APBA2: variants seen among roughly 807,000 people sequenced by gnomAD.
APBA2 encodes the protein amyloid-beta A4 precursor protein-binding family A member 2.
APBA2 carries 30 observed loss-of-function variants against 75.0 expected under a neutral mutation model. That is an observed-to-expected ratio of 0.40 (90% CI 0.30 to 0.54). The LOEUF (loss-of-function observed/expected upper bound fraction) is 0.54. Among genes scored for constraint, APBA2 ranks in the 20% least tolerant of loss-of-function variants. The pLI, the probability that APBA2 is intolerant of heterozygous loss-of-function variation, is 0.49. For missense variants in APBA2, 801 were observed against 1,016.1 expected (o/e 0.79, Z 2.88); for synonymous variants, 444 against 409.6 (o/e 1.08, Z -1.01).
intron 4 of APBA2, among the ~76,000 whole-genome samples, chr15:29,060,943 C>G (rs1450470034): frequency 6.6e-6 from 1 of 152,162 alleles, no homozygotes; most frequent in Non-Finnish European, 1.5e-5. Context: ...CAGCTGGGCA[C>G]TGGTACCTGG....
intron 3 of APBA2, among the ~76,000 whole-genome samples, chr15:29,019,139 C>T (rs1396709221): frequency 2.6e-5 from 4 of 152,138 alleles, no homozygotes; most frequent in East Asian, 1.9e-4. Flanking sequence ...TGCTGCAGGC[C>T]GGCCCCTCAC....
chr15:29,105,393 C>T lies in APBA2; in HGVS notation c.1539C>T (p.Ala513=). 1.2e-6 allele frequency: 2 copies of T among 1,612,044 alleles called. No individual in the cohort carries two copies. The highest frequency in any genetic ancestry group is 1.1e-5 in the South Asian group (1 of 91,042). Residue 513 remains alanine, a synonymous_variant, in exon 11 of 15, where the codon GCC becomes GCT. Coordinates refer to ENST00000683413, the MANE Select transcript of APBA2 (RefSeq NM_001353788.2). ...CCTCTGCACAGGCCCAGCTCATCGC[C>T]CAGTCTATCGGCCAGGCCTTCAGCG... The part of the protein sequence containing the change: ...VFESEDAQLI[A]QSIGQAFSVA...
chr15:29,017,397 CTTTTTTTTTT>C (rs56993296), intron 3 of APBA2, among the ~76,000 whole-genome samples: 3 of 102,086 alleles, frequency 2.9e-5, no homozygotes, highest in South Asian at 3.5e-4. Flanking sequence ...TTCTTTCTTT[CTTTTTTTTTT>C]TTTTTTTTTT....
chr15:28,998,356 A>G (rs968466897), intron 3 of APBA2, among the ~76,000 whole-genome samples: 2 of 152,212 alleles, frequency 1.3e-5, no homozygotes, highest in Admixed American at 6.5e-5. Context: ...AGCTGTATTT[A>G]AATCACGGCA....
At chr15:29,018,836 C>T (rs993513055) in intron 3 of APBA2, among the ~76,000 whole-genome samples, 4 of 152,186 alleles carry the variant, frequency 2.6e-5, no homozygotes, top group African/African-American at 7.2e-5. Flanking sequence ...GAGAGGTGGC[C>T]GGAACCTGGG....
intron 2 of APBA2, among the ~76,000 whole-genome samples, chr15:28,922,771 G>C (rs1399997917): frequency 6.6e-6 from 1 of 152,202 alleles, no homozygotes; most frequent in Non-Finnish European, 1.5e-5. Context: ...TGCCCAGCCT[G>C]TCCTGTTCCT....
intron 3 of APBA2, among the ~76,000 whole-genome samples, chr15:29,043,373 T>G (rs1415115247): frequency 6.6e-6 from 1 of 152,202 alleles, no homozygotes; most frequent in African/African-American, 2.4e-5. Flanking sequence ...TTCCAAGGGC[T>G]GCTGAGACTT....
In APBA2 at chr15:29,114,019, A is replaced by G; in HGVS notation, c.2178+3A>G. On this transcript the variant is annotated splice_donor_region_variant and intron_variant, in intron 14 of 14. Transcript: ENST00000683413. Reference sequence around the variant, plus strand: ...CTCTGTCCAACTCGGTCGGAGAGGTAAGGAGGGACTTTGAGTGTGCCTCTG... The same window carrying G: ...CTCTGTCCAACTCGGTCGGAGAGGTGAGGAGGGACTTTGAGTGTGCCTCTG... 6.2e-7 allele frequency: 1 copy of G among 1,613,758 alleles called. No individual in the cohort carries two copies. Among genetic ancestry groups the G allele is most frequent in the Non-Finnish European group, 8.5e-7 (1 of 1,180,022 alleles).
At chr15:29,101,520 C>T (rs930189697) in intron 9 of APBA2, 79 bp from the exon 10 acceptor site, 1 of 1,503,234 alleles carries the variant, frequency 6.7e-7, no homozygotes, top group Non-Finnish European at 9.1e-7. Context: ...GCTTGAGCCA[C>T]CATGCCCAGC....
intron 2 of APBA2, among the ~76,000 whole-genome samples, chr15:28,945,218 C>T (rs1565406): frequency 6.6e-6 from 1 of 152,004 alleles, no homozygotes; most frequent in Non-Finnish European, 1.5e-5. Context: ...CTGGTAGAGC[C>T]TAAGTATTCA....
intron 6 of APBA2, among the ~76,000 whole-genome samples, chr15:29,087,447 A>G (rs1486605106): frequency 6.6e-6 from 1 of 152,080 alleles, no homozygotes; most frequent in African/African-American, 2.4e-5. Context: ...TTGGGTGTCT[A>G]AAGTTCAACA....
chr15:28,998,335 A>T (rs535348743), intron 3 of APBA2, among the ~76,000 whole-genome samples: 1 of 152,138 alleles, frequency 6.6e-6, no homozygotes, highest in Non-Finnish European at 1.5e-5. Flanking sequence ...GGAACACAGA[A>T]AAGATTAATA....
In APBA2 at chr15:28,918,703, CTG is replaced by C. The variant is rs1157115495; in HGVS notation, c.-204-2936_-204-2935del. ...CGGTTGGAGGGGGCTGCAGAGGCTACTGCTGGGCCTGGTGTCGCCATGGCAGC... is the reference window on the plus strand; with the variant it reads ...CGGTTGGAGGGGGCTGCAGAGGCTACCTGGGCCTGGTGTCGCCATGGCAGC... On this transcript the variant is annotated intron_variant, in intron 1 of 14. Coordinates refer to ENST00000683413, the MANE Select transcript of APBA2 (RefSeq NM_001353788.2). This position sits in a 1 kb window ranked among gnomAD's most constrained non-coding sequence, Gnocchi z 4.2. 6.6e-6 allele frequency among the ~76,000 whole-genome samples: 1 copy of C among 152,156 alleles called. No individual in the cohort carries two copies. Among genetic ancestry groups the C allele is most frequent in the Non-Finnish European group, 1.5e-5 (1 of 68,028 alleles).
At chr15:29,098,424 G>T (rs2043955110) in intron 8 of APBA2, 66 bp from the exon 9 acceptor site, 1 of 1,084,970 alleles carries the variant, frequency 9.2e-7, no homozygotes, top group African/African-American at 1.5e-5. Context: ...TTGTCATAAT[G>T]CTATTTGCAT....
At chr15:28,969,128 TTTTCTTTCTTTCTTTCTTTCTTTCTTTC>T (rs138940957) in intron 2 of APBA2, among the ~76,000 whole-genome samples, 17,628 of 137,084 alleles carry the variant, frequency 0.13, 1,504 homozygotes, top group East Asian at 0.42. Context: ...TTTCATTTCT[TTTTCTTTCTTTCTTTCTTTCTTTCTTTC>T]TTTCTTTCTT....
At chr15:28,901,853 GCA>G (rs1396184674) in intron 1 of APBA2, among the ~76,000 whole-genome samples, 4 of 148,678 alleles carry the variant, frequency 2.7e-5, no homozygotes, top group Non-Finnish European at 5.9e-5. Flanking sequence ...CCAGATTCTG[GCA>G]CACACACAAA....
intron 3 of APBA2, among the ~76,000 whole-genome samples, chr15:29,001,279 T>C (rs2038830761): frequency 6.6e-6 from 1 of 152,196 alleles, no homozygotes; most frequent in African/African-American, 2.4e-5. Flanking sequence ...AGTGGCATGA[T>C]CATAACTCAC....
At chr15:29,068,707 CA>C (rs2042485920) in intron 4 of APBA2, among the ~76,000 whole-genome samples, 3 of 152,238 alleles carry the variant, frequency 2.0e-5, no homozygotes, top group Admixed American at 1.3e-4. Flanking sequence ...GACCATCTCC[CA>C]CTTTGCCTGG....
At chr15:29,107,597 G>T (rs9920413) in intron 12 of APBA2, among the ~76,000 whole-genome samples, 103,228 of 151,762 alleles carry the variant, frequency 0.68, 40,426 homozygotes, top group Non-Finnish European at 0.88. Context: ...CCGGCAGAGC[G>T]TCTGCCCGAT....
Sources: allele counts gnomAD v4.1 joint callset (sites outside exome capture counted in the v4.1 genomes callset), GRCh38; gene constraint gnomAD v4.1.1; non-coding constraint Gnocchi (gnomAD v3.1); transcripts MANE v1.5; gene names NCBI Gene and HGNC (gene_info 2026-07-23, HGNC 2026-07-21).